Variants in PHKA2 observed in about 807,000 individuals in gnomAD.
The protein encoded by PHKA2 is phosphorylase kinase regulatory subunit alpha 2, also known as phosphorylase b kinase regulatory subunit alpha, liver isoform.
PHKA2 carries 31 observed loss-of-function variants against 102.0 expected under a neutral mutation model. That is an observed-to-expected ratio of 0.30 (90% CI 0.23 to 0.41). The LOEUF (loss-of-function observed/expected upper bound fraction) is 0.41, where lower values mean the gene tolerates loss of function less well. Among genes scored for constraint, PHKA2 ranks in the 10% least tolerant of loss-of-function variants. PHKA2 has a pLI of 1.00. For missense variants in PHKA2, 858 were observed against 1,023.1 expected (o/e 0.84, Z 2.20); for synonymous variants, 455 against 416.2 (o/e 1.09, Z -1.13).
intron 8 of PHKA2, among the ~76,000 whole-genome samples, chrX:18,940,859 T>C (rs186657780): frequency 4.7e-4 from 52 of 111,767 alleles, no homozygotes; most frequent in Non-Finnish European, 7.9e-4. Context: ...ATTCATTCCC[T>C]TCCTACTTCA....
intron 10 of PHKA2, 27 bp downstream of exon 10, chrX:18,938,600 T>C: frequency 8.5e-7 from 1 of 1,181,947 alleles, no homozygotes; most frequent in Non-Finnish European, 1.2e-6. Flanking sequence ...AAAATAATTA[T>C]CAACGTAACA....
At chrX:18,895,003 C>T (rs1156793847) in intron 31 of PHKA2, 135 bp downstream of exon 31, 10 of 636,909 alleles carry the variant, frequency 1.6e-5, no homozygotes, top group Non-Finnish European at 2.1e-5. Flanking sequence ...GGTGAAGGGG[C>T]TAGACAGCTC....
intron 5 of PHKA2, among the ~76,000 whole-genome samples, chrX:18,946,086 C>T (rs2048575087): frequency 9.1e-6 from 1 of 109,919 alleles, no homozygotes; most frequent in South Asian, 3.9e-4. Context: ...CACCACCACA[C>T]CCAGGTAATT....
At position 18,934,296 on chromosome X, in the gene PHKA2, TG is replaced by T. The variant is rs748520143; in HGVS notation, c.1137+1758del. ...CACAGCCCTAGCAGGCTCCGTAGAC[TG>T]ATCTGCAGAGTGAGGGAAGACTAGT... On this transcript the variant is annotated intron_variant, in intron 11 of 32. Coordinates refer to ENST00000379942, the MANE Select transcript of PHKA2 (RefSeq NM_000292.3). 9.8e-5 allele frequency among the ~76,000 whole-genome samples: 11 copies of T among 112,441 alleles called. No individual in the cohort carries two copies. The South Asian group carries it at 4.0e-3, about 41-fold the overall frequency.
At chrX:18,949,188 A>T (rs1457188733) in intron 4 of PHKA2, among the ~76,000 whole-genome samples, 1 of 111,835 alleles carries the variant, frequency 8.9e-6, no homozygotes, top group Non-Finnish European at 1.9e-5. Context: ...CACTGTCTCT[A>T]TCTTTGAGAG....
chrX:18,906,939 C>A (rs1239538667), intron 23 of PHKA2, 79 bp downstream of exon 23: 1 of 1,024,693 alleles, frequency 9.8e-7, no homozygotes, highest in Non-Finnish European at 1.4e-6. Flanking sequence ...TTTAAAAAGC[C>A]CCTCCTCCGA....
chrX:18,971,807 G>T (rs1385947201), intron 1 of PHKA2, among the ~76,000 whole-genome samples: 2 of 112,562 alleles, frequency 1.8e-5, no homozygotes, highest in African/African-American at 6.5e-5. Context: ...GGTGGGTCTA[G>T]CTCAAAGCCT....
At chrX:18,918,475 G>A (rs1441691407) in intron 19 of PHKA2, among the ~76,000 whole-genome samples, 3 of 112,227 alleles carry the variant, frequency 2.7e-5, no homozygotes, top group Non-Finnish European at 5.6e-5. Context: ...TGTGAAGACA[G>A]CAGTATGTAC....
chrX:18,916,221 C>G (rs1459771613), intron 19 of PHKA2, among the ~76,000 whole-genome samples: 1 of 112,090 alleles, frequency 8.9e-6, no homozygotes, highest in African/African-American at 3.2e-5. Context: ...TCAAGACCAG[C>G]CTGGCCAACA....
intron 12 of PHKA2, 100 bp downstream of exon 12, chrX:18,931,541 C>T (rs1439525532): frequency 3.5e-5 from 22 of 621,979 alleles, no homozygotes; most frequent in Non-Finnish European, 6.1e-5. Context: ...ATGCAAAAGA[C>T]ATCCACACGC....
At chrX:18,978,088 C>T (rs903151940) in intron 1 of PHKA2, among the ~76,000 whole-genome samples, 6 of 110,466 alleles carry the variant, frequency 5.4e-5, no homozygotes, top group South Asian at 3.9e-4. Flanking sequence ...ACTCGGGAGG[C>T]GGAGGTTGCA....
At chrX:18,955,762 A>C (rs1049894936) in intron 1 of PHKA2, among the ~76,000 whole-genome samples, 13 of 112,373 alleles carry the variant, frequency 1.2e-4, no homozygotes, top group African/African-American at 3.9e-4. Context: ...TAAGTAAAAA[A>C]CACTGGCATG....
intron 1 of PHKA2, among the ~76,000 whole-genome samples, chrX:18,971,182 A>G (rs2049013352): frequency 8.9e-6 from 1 of 112,481 alleles, no homozygotes; most frequent in African/African-American, 3.2e-5. Flanking sequence ...TAACTAATAC[A>G]TCTTCTCATG....
chrX:18,955,751 T>C (rs1052045241), intron 1 of PHKA2, among the ~76,000 whole-genome samples: 2 of 112,342 alleles, frequency 1.8e-5, no homozygotes, highest in African/African-American at 6.5e-5. Context: ...ACTGCCAATA[T>C]TAAGTAAAAA....
intron 5 of PHKA2, among the ~76,000 whole-genome samples, chrX:18,945,498 G>C (rs1342147104): frequency 8.9e-6 from 1 of 112,499 alleles, no homozygotes; most frequent in Non-Finnish European, 1.9e-5. Context: ...TGCCTCTCTA[G>C]TCAATGCCTT....
intron 1 of PHKA2, among the ~76,000 whole-genome samples, chrX:18,961,534 T>C (rs984311466): frequency 5.6e-5 from 6 of 108,104 alleles, no homozygotes; most frequent in Admixed American, 3.0e-4. Context: ...GGTGCGTGCC[T>C]GTAATCCCAG....
rs776441737 is a variant in PHKA2 at position 18,895,424 on chromosome X, C to G, written c.3283-233G>C. The G allele has an allele frequency of 2.3e-4, 99 of 434,307 alleles. 1 individual carries two copies. In the South Asian group the frequency reaches 3.1e-3, roughly 13 times the overall value. 35.8% of individuals were successfully genotyped at this position (434,307 alleles called of 1,213,427 possible). A position where few individuals can be genotyped will look rare whatever the true frequency, so the allele number is the denominator to read the frequency against. ...CAGCAGGCATCTTTCAGATCTCCCC[C>G]GAACAATGCCCTAGGGGGCTGCCGA... On this transcript the variant is annotated intron_variant, in intron 30 of 32. Transcript: ENST00000379942.
intron 5 of PHKA2, among the ~76,000 whole-genome samples, chrX:18,945,873 GCCAACATTTCAATCTTTATTTTTTATCT>G (rs2048569311): frequency 9.0e-6 from 1 of 111,684 alleles, no homozygotes; most frequent in Non-Finnish European, 1.9e-5. Context: ...CAAGACTGAT[GCCAACATTTCAATCTTTATTTTTTATCT>G]CCAAAAAAGA....
chrX:18,893,318 T>C lies in PHKA2; in HGVS notation c.*167A>G. On this transcript the variant is annotated 3_prime_UTR_variant, in exon 33 of 33. Transcript: ENST00000379942. ...ACTCCTCAGCTCTATCTCTGTGGCT[T>C]TAACATACATCAGTTTCAGGGTGAG... 1 of 532,486 alleles carries C rather than the reference T, an allele frequency of 1.9e-6. No homozygotes were observed. Among genetic ancestry groups the C allele is most frequent in the Non-Finnish European group, 3.3e-6 (1 of 305,694 alleles). 43.9% of individuals were successfully genotyped at this position (532,486 alleles called of 1,213,427 possible). A position where few individuals can be genotyped will look rare whatever the true frequency, so the allele number is the denominator to read the frequency against.
Sources: gnomAD v4.1 joint callset for allele counts (sites outside exome capture counted in the v4.1 genomes callset) on GRCh38, gnomAD v4.1.1 for gene constraint, MANE v1.5 for transcripts, NCBI Gene and HGNC (gene_info 2026-07-23, HGNC 2026-07-21) for gene names.